Variants in KIF26B observed in about 807,000 individuals in gnomAD.
The protein encoded by KIF26B is kinesin family member 26B, also known as kinesin-like protein KIF26B.
In KIF26B, 63 loss-of-function variants were observed where a neutral mutation model predicts 151.2. That is an observed-to-expected ratio of 0.42 (90% CI 0.34 to 0.51). The LOEUF (loss-of-function observed/expected upper bound fraction) is 0.51, where lower values mean the gene tolerates loss of function less well. Among genes scored for constraint, KIF26B ranks in the 20% least tolerant of loss-of-function variants. The pLI, the probability that KIF26B is intolerant of heterozygous loss-of-function variation, is 0.07. For missense variants in KIF26B, 2,813 were observed against 2,913.6 expected (o/e 0.97, Z 0.79); for synonymous variants, 1,357 against 1,262.1 (o/e 1.08, Z -1.59).
At chr1:245,423,899 C>T (rs544222070) in intron 4 of KIF26B, among the ~76,000 whole-genome samples, 45 of 152,000 alleles carry the variant, frequency 3.0e-4, no homozygotes, top group Non-Finnish European at 5.4e-4. Flanking sequence ...AGTGTAGTGA[C>T]GTAATCACAG....
chr1:245,686,634 C>A lies in KIF26B; in HGVS notation c.3651C>A (p.Cys1217Ter). The A allele has an allele frequency of 6.2e-7, 1 of 1,611,002 alleles. No homozygotes were observed. The highest frequency in any genetic ancestry group is 8.5e-7 in the Non-Finnish European group (1 of 1,178,958). Residue 1217 changes from cysteine to a stop codon, truncating the protein, a stop_gained, in exon 12 of 15, where the codon TGC becomes TGA. Coordinates refer to ENST00000407071, the MANE Select transcript of KIF26B (RefSeq NM_018012.4). LOFTEE classifies it high-confidence loss of function. The surrounding 1 kb of genome is among the most constrained non-coding windows in gnomAD (Gnocchi z 5.6). Reference sequence around the variant, plus strand: ...GCATCATCAGCTTCAACAGCGACTGCTCTGCACGGGCCCTGGCCTCGGGCT... The same window carrying A: ...GCATCATCAGCTTCAACAGCGACTGATCTGCACGGGCCCTGGCCTCGGGCT... ...PTSIISFNSD[C>*]SARALASGSR...
At chr1:245,486,817 C>T (rs753105859) in intron 4 of KIF26B, among the ~76,000 whole-genome samples, 3 of 152,212 alleles carry the variant, frequency 2.0e-5, no homozygotes, top group Non-Finnish European at 4.4e-5. Context: ...ACCACAGGCA[C>T]ATGCCATCAT....
At chr1:245,455,237 G>A (rs1346263815) in intron 4 of KIF26B, among the ~76,000 whole-genome samples, 1 of 152,178 alleles carries the variant, frequency 6.6e-6, no homozygotes, top group Non-Finnish European at 1.5e-5. Flanking sequence ...CGGGCATGGT[G>A]GCTCACGCCC....
chr1:245,391,987 G>T (rs982838854), intron 3 of KIF26B, among the ~76,000 whole-genome samples: 1 of 151,142 alleles, frequency 6.6e-6, no homozygotes, highest in African/African-American at 2.4e-5. Flanking sequence ...GGAACATTTC[G>T]AGAGCAGAGT....
chr1:245,561,998 C>T (rs2042959373), intron 5 of KIF26B, among the ~76,000 whole-genome samples: 1 of 152,164 alleles, frequency 6.6e-6, no homozygotes. Flanking sequence ...AGTGGTTTCT[C>T]CCAGGGCCGT....
chr1:245,248,870 G>A (rs919591062), intron 2 of KIF26B, among the ~76,000 whole-genome samples: 1 of 152,234 alleles, frequency 6.6e-6, no homozygotes, highest in Admixed American at 6.5e-5. Flanking sequence ...AAACCAGTCA[G>A]TGGGATGTGA....
chr1:245,370,747 G>A (rs1402395994), intron 3 of KIF26B: 18 of 409,944 alleles, frequency 4.4e-5, no homozygotes, highest in South Asian at 2.6e-4. Context: ...CTGCTTAAAC[G>A]GCCGATTAGG....
At chr1:245,429,068 A>G (rs1031967820) in intron 4 of KIF26B, among the ~76,000 whole-genome samples, 1 of 152,198 alleles carries the variant, frequency 6.6e-6, no homozygotes, top group Admixed American at 6.5e-5. Context: ...ATTCTCAGCC[A>G]GACACTGACA....
rs536762134 is a variant in KIF26B at position 245,362,411 on chromosome 1, G to A, written c.466-4423G>A. Reference sequence around the variant, plus strand: ...AAATTAGCCGGGTGTGGTTGTGGGCGCCTGTAGTCCCAGCTACTCAGGAGG... The same window carrying A: ...AAATTAGCCGGGTGTGGTTGTGGGCACCTGTAGTCCCAGCTACTCAGGAGG... On this transcript the variant is annotated intron_variant, in intron 2 of 14. Coordinates refer to ENST00000407071, the MANE Select transcript of KIF26B (RefSeq NM_018012.4). 1.1e-4 allele frequency among the ~76,000 whole-genome samples: 16 copies of A among 150,340 alleles called. No homozygotes were observed. In the East Asian group the frequency reaches 1.4e-3, roughly 13 times the overall value.
At chr1:245,504,559 C>T (rs1660690784) in intron 4 of KIF26B, among the ~76,000 whole-genome samples, 1 of 151,962 alleles carries the variant, frequency 6.6e-6, no homozygotes. Flanking sequence ...AGCAATCTTC[C>T]TGCTTCAGTA....
chr1:245,394,747 A>G (rs1003114155), intron 3 of KIF26B, among the ~76,000 whole-genome samples: 6 of 137,656 alleles, frequency 4.4e-5, no homozygotes, highest in Non-Finnish European at 7.5e-5. Flanking sequence ...CTAGAGTGCA[A>G]TGGCACGATC....
At chr1:245,559,463 T>A (rs774712599) in intron 5 of KIF26B, among the ~76,000 whole-genome samples, 7 of 152,260 alleles carry the variant, frequency 4.6e-5, no homozygotes, top group Non-Finnish European at 1.0e-4. Context: ...CCCACGTTGG[T>A]GTGCAGTGGT....
At chr1:245,418,940 C>T (rs1370540242) in intron 3 of KIF26B, among the ~76,000 whole-genome samples, 1 of 152,184 alleles carries the variant, frequency 6.6e-6, no homozygotes, top group Non-Finnish European at 1.5e-5. Flanking sequence ...TCGAATGAAA[C>T]AGAAGCCATT....
intron 2 of KIF26B, among the ~76,000 whole-genome samples, chr1:245,203,011 T>C (rs1669332415): frequency 1.3e-5 from 2 of 150,614 alleles, no homozygotes; most frequent in African/African-American, 4.9e-5. Flanking sequence ...TCCCAGCACT[T>C]TGGGAGGCCG....
At chr1:245,171,848 C>T (rs879832770) in intron 2 of KIF26B, among the ~76,000 whole-genome samples, 6 of 152,170 alleles carry the variant, frequency 3.9e-5, no homozygotes, top group African/African-American at 9.7e-5. Context: ...AACCATTTTC[C>T]GTGTTGGTTT....
rs574648914 is a variant in KIF26B, at chr1:245,428,728, G to A, written c.1166+8983G>A. ...AATGTGGTCAGGTGGAGCATTTTCTGATTAAACAAGTCCTTTGTCTGACTG... is the reference window on the plus strand; with the variant it reads ...AATGTGGTCAGGTGGAGCATTTTCTAATTAAACAAGTCCTTTGTCTGACTG... On this transcript the variant is annotated intron_variant, in intron 4 of 14. Transcript: ENST00000407071. Among the ~76,000 whole-genome samples the A allele has an allele frequency of 5.9e-5, 9 of 152,246 alleles. No homozygotes were observed. The South Asian group carries it at 1.9e-3, about 32-fold the overall frequency.
chr1:245,423,909 G>A (rs1658561185), intron 4 of KIF26B, among the ~76,000 whole-genome samples: 1 of 152,098 alleles, frequency 6.6e-6, no homozygotes, highest in African/African-American at 2.4e-5. Context: ...CGTAATCACA[G>A]CTCACTGCAG....
At chr1:245,356,932 G>A (rs189972686) in intron 2 of KIF26B, among the ~76,000 whole-genome samples, 21 of 152,322 alleles carry the variant, frequency 1.4e-4, no homozygotes, top group Non-Finnish European at 2.4e-4. Flanking sequence ...CCTTGAAGGC[G>A]GTAAGAGATG....
At position 245,609,521 on chromosome 1, in the gene KIF26B, G is replaced by A; in HGVS notation, c.1907G>A (p.Gly636Asp). 6.5e-7 allele frequency: 1 copy of A among 1,541,834 alleles called. No homozygotes were observed. The highest frequency in any genetic ancestry group is 8.8e-7 in the Non-Finnish European group (1 of 1,142,636). Reference protein sequence around the residue: ...GVYLCEDPICGTQLQNQSELR... With the variant: ...GVYLCEDPICDTQLQNQSELR... ...TACCTCTGTGAGGACCCCATCTGCG[G>A]CACGCAGGTGATTGCTTCTGAAGCC... Residue 636 changes from glycine to aspartate, a missense_variant, in exon 8 of 15, where the codon GGC becomes GAC. Around this residue, in one of 3 missense-constraint regions of KIF26B, gnomAD observed 2,060 missense variants for 2,088.6 expected, o/e 0.99. Transcript: ENST00000407071.
Sources: allele counts gnomAD v4.1 joint callset (sites outside exome capture counted in the v4.1 genomes callset), GRCh38; gene constraint gnomAD v4.1.1; regional missense constraint gnomAD v4.1.1; non-coding constraint Gnocchi (gnomAD v3.1); transcripts MANE v1.5; gene names NCBI Gene and HGNC (gene_info 2026-07-23, HGNC 2026-07-21).